FRAS1: variants seen among roughly 807,000 people sequenced by gnomAD.
FRAS1 encodes the protein Fraser extracellular matrix complex subunit 1, also known as extracellular matrix organizing protein FRAS1.
Under a neutral mutation model 435.2 loss-of-function variants are expected in FRAS1, and 290 were observed. That is an observed-to-expected ratio of 0.67 (90% CI 0.61 to 0.73). FRAS1 has a LOEUF of 0.73. Among genes scored for constraint, FRAS1 ranks in the 30% least tolerant of loss-of-function variants. The pLI, the probability that FRAS1 is intolerant of heterozygous loss-of-function variation, is 0.00. For missense variants in FRAS1, 4,860 were observed against 5,001.5 expected (o/e 0.97, Z 0.85); for synonymous variants, 1,800 against 1,851.0 (o/e 0.97, Z 0.71).
At chr4:78,447,007 A>G in intron 43 of FRAS1, 127 bp downstream of exon 43, 3 of 936,620 alleles carry the variant, frequency 3.2e-6, no homozygotes, top group Non-Finnish European at 4.6e-6. Context: ...TCAAAGTGTA[A>G]TCAAATTCAC....
intron 73 of FRAS1, 53 bp downstream of exon 73, chr4:78,539,493 G>GAA (rs3062747): frequency 5.5e-4 from 536 of 975,936 alleles, no homozygotes; most frequent in South Asian, 1.1e-3. Context: ...TTTAAAGCTT[G>GAA]AAAAAAAAAA....
chr4:78,126,405 C>T (rs1719362156), intron 2 of FRAS1, among the ~76,000 whole-genome samples: 1 of 152,232 alleles, frequency 6.6e-6, no homozygotes, highest in African/African-American at 2.4e-5. Context: ...CTGTGGGCTG[C>T]ACCCACTGTC....
chr4:78,481,502 C>A (rs544908120), intron 56 of FRAS1, among the ~76,000 whole-genome samples: 3 of 152,304 alleles, frequency 2.0e-5, no homozygotes, highest in African/African-American at 7.2e-5. Context: ...CATTGTTCTC[C>A]TGTGAGCAGT....
intron 73 of FRAS1, among the ~76,000 whole-genome samples, chr4:78,539,878 C>A (rs972347052): frequency 5.3e-5 from 8 of 152,190 alleles, no homozygotes; most frequent in African/African-American, 1.9e-4. Flanking sequence ...TGAACATGAA[C>A]TTTCAAGATG....
Position 78,252,458 on chromosome 4 carries a change from AC to A in FRAS1, c.382del (p.Gln128AsnfsTer47), listed in dbSNP as rs771770547. On this transcript the variant is annotated frameshift_variant, in exon 5 of 74. Transcript: ENST00000512123. LOFTEE classifies it high-confidence loss of function. ...CSCNHGEVRC[T>X]PQPCPPLSCG... The stretch of plus-strand genomic sequence containing the variant: ...TTGCAATCATGGGGAAGTCCGATGT[AC>A]CCCCCAACCATGCCCACCGCTGTCA... The A allele has an allele frequency of 1.4e-5, 23 of 1,612,314 alleles. No homozygotes were observed. Among genetic ancestry groups the A allele is most frequent in the Non-Finnish European group, 1.8e-5 (21 of 1,179,546 alleles).
intron 58 of FRAS1, among the ~76,000 whole-genome samples, chr4:78,486,148 G>T (rs776944787): frequency 1.3e-5 from 2 of 152,178 alleles, no homozygotes; most frequent in Admixed American, 6.5e-5. Context: ...TCATTAACTC[G>T]TGAAACAGAG....
chr4:78,292,861 C>G (rs1472919387), intron 14 of FRAS1, among the ~76,000 whole-genome samples: 1 of 152,218 alleles, frequency 6.6e-6, no homozygotes, highest in Non-Finnish European at 1.5e-5. Context: ...ACTGCCTTCA[C>G]TCATTTTGTT....
chr4:78,401,067 T>C (rs540764562), intron 30 of FRAS1, among the ~76,000 whole-genome samples, 180 bp downstream of exon 30: 1 of 152,334 alleles, frequency 6.6e-6, no homozygotes, highest in Admixed American at 6.5e-5. Context: ...ATTTACTAGG[T>C]AGTGTACTAA....
rs185618861 is a variant in FRAS1 at position 78,281,156 on chromosome 4, A to G, written c.1072-242A>G. Among the ~76,000 whole-genome samples, 69 of 152,276 alleles carry G rather than the reference A, an allele frequency of 4.5e-4. 1 individual carries two copies. Among genetic ancestry groups the G allele is most frequent in the Admixed American group, 3.7e-3 (57 of 15,290 alleles). ...GCATAAAGTCCTTAGTATTGAGGGGAATTGAAACCAAGTACTCAGGCACAA... is the reference window on the plus strand; with the variant it reads ...GCATAAAGTCCTTAGTATTGAGGGGGATTGAAACCAAGTACTCAGGCACAA... On this transcript the variant is annotated intron_variant, in intron 10 of 73. Transcript: ENST00000512123.
intron 29 of FRAS1, among the ~76,000 whole-genome samples, chr4:78,394,192 G>A (rs1385487565): frequency 6.6e-6 from 1 of 151,770 alleles, no homozygotes; most frequent in Non-Finnish European, 1.5e-5. Flanking sequence ...TATTTCCCTT[G>A]CTGTGCAGAT....
chr4:78,279,466 T>C (rs1727216211), intron 10 of FRAS1, among the ~76,000 whole-genome samples: 1 of 152,104 alleles, frequency 6.6e-6, no homozygotes, highest in Admixed American at 6.5e-5. Context: ...GTAGGCAACC[T>C]GGTTGGTGGG....
chr4:78,265,766 A>T (rs1212757044), intron 7 of FRAS1, among the ~76,000 whole-genome samples: 1 of 152,144 alleles, frequency 6.6e-6, no homozygotes, highest in African/African-American at 2.4e-5. Context: ...ATAAAAAAAT[A>T]AACTCAATTA....
intron 32 of FRAS1, 91 bp downstream of exon 32, chr4:78,413,176 G>A: frequency 1.5e-6 from 1 of 685,916 alleles, no homozygotes; most frequent in Non-Finnish European, 2.4e-6. Context: ...TTTGTATATA[G>A]TAAGTGCCTG....
At chr4:78,487,411 C>A (rs926568384) in intron 58 of FRAS1, among the ~76,000 whole-genome samples, 7 of 152,130 alleles carry the variant, frequency 4.6e-5, no homozygotes, top group Admixed American at 4.6e-4. Context: ...TCCCCCACGT[C>A]CCCCAATCCC....
chr4:78,373,542 C>T (rs1016100878), intron 24 of FRAS1, among the ~76,000 whole-genome samples: 3 of 150,984 alleles, frequency 2.0e-5, no homozygotes, highest in African/African-American at 7.3e-5. Flanking sequence ...GTTTGGGAGG[C>T]GGAGGCAGAC....
At chr4:78,058,119 TGCGTGTGC>T in intron 1 of FRAS1, 34 bp downstream of exon 1, 1 of 1,481,244 alleles carries the variant, frequency 6.8e-7, no homozygotes, top group Non-Finnish European at 9.4e-7. Context: ...TGTGTGTGTG[TGCGTGTGC>T]GTGTGTGTGT....
At position 78,478,826 on chromosome 4, in the gene FRAS1, C is replaced by T. The variant is rs1199500429; in HGVS notation, c.8099-548C>T. ...GAAAACAAGCAAGCCTCATTGATTG[C>T]TCTGGGCCACCAAGCCAGGCCCAGA... On this transcript the variant is annotated intron_variant, in intron 55 of 73. Transcript: ENST00000512123. Among the ~76,000 whole-genome samples the T allele has an allele frequency of 3.3e-5, 5 of 152,232 alleles. No individual in the cohort carries two copies. In the East Asian group the frequency reaches 9.6e-4, roughly 29 times the overall value.
chr4:78,448,522 G>A (rs141904140), intron 44 of FRAS1, among the ~76,000 whole-genome samples: 1 of 152,214 alleles, frequency 6.6e-6, no homozygotes, highest in East Asian at 1.9e-4. Flanking sequence ...AAAATTCTTT[G>A]GACCAAATGC....
chr4:78,532,329 T>G (rs1721741069), intron 70 of FRAS1, among the ~76,000 whole-genome samples: 1 of 152,240 alleles, frequency 6.6e-6, no homozygotes, highest in African/African-American at 2.4e-5. Context: ...CATTGCCTGC[T>G]TCAAGCCTTT....
Sources: gnomAD v4.1 joint callset for allele counts (sites outside exome capture counted in the v4.1 genomes callset) on GRCh38, gnomAD v4.1.1 for gene constraint, MANE v1.5 for transcripts, NCBI Gene and HGNC (gene_info 2026-07-23, HGNC 2026-07-21) for gene names.